CLNK: variants seen among roughly 807,000 people sequenced by gnomAD.
CLNK encodes the protein cytokine dependent hematopoietic cell linker, also known as cytokine-dependent hematopoietic cell linker.
A neutral mutation model predicts 68.6 loss-of-function variants in CLNK; 74 were observed. That is an observed-to-expected ratio of 1.08 (90% CI 0.89 to 1.31). The LOEUF (loss-of-function observed/expected upper bound fraction) is 1.31. CLNK is among the 50% of genes most tolerant of loss of function. CLNK has a pLI of 0.00. For missense variants in CLNK, 553 were observed against 515.3 expected (o/e 1.07, Z -0.71); for synonymous variants, 198 against 172.2 (o/e 1.15, Z -1.17).
rs893039582 is a variant in CLNK, at chr4:10,493,681, C to T, written c.1141-3068G>A. 2.7e-5 allele frequency among the ~76,000 whole-genome samples: 4 copies of T among 150,364 alleles called. No homozygotes were observed. In the East Asian group the frequency reaches 7.8e-4, roughly 29 times the overall value. ...TTACGTATACAATAAATATGAGTTTCTACCTGATGCTAAGGTAAGGTACTT... is the reference window on the plus strand; with the variant it reads ...TTACGTATACAATAAATATGAGTTTTTACCTGATGCTAAGGTAAGGTACTT... On this transcript the variant is annotated intron_variant, in intron 18 of 18. Transcript: ENST00000226951.
chr4:10,560,230 C>T (rs1719834979), intron 7 of CLNK, among the ~76,000 whole-genome samples: 1 of 152,172 alleles, frequency 6.6e-6, no homozygotes, highest in Non-Finnish European at 1.5e-5. Flanking sequence ...ACTGCCTCCT[C>T]CCTTAGACTG....
At chr4:10,548,922 T>C (rs1719341227) in intron 8 of CLNK, among the ~76,000 whole-genome samples, 1 of 152,222 alleles carries the variant, frequency 6.6e-6, no homozygotes, top group Admixed American at 6.5e-5. Context: ...GTCATGTAAT[T>C]TGAAATCAGG....
intron 11 of CLNK, 131 bp from the exon 12 acceptor site, chr4:10,532,414 T>A: frequency 1.4e-6 from 1 of 695,816 alleles, no homozygotes; most frequent in Non-Finnish European, 2.5e-6. Flanking sequence ...CAGTGAGATA[T>A]TTATCACTCT....
Position 10,637,328 on chromosome 4 carries a change from A to G in CLNK, c.11+30531T>C, listed in dbSNP as rs557813314. Among the ~76,000 whole-genome samples, 10 of 151,932 alleles carry G rather than the reference A, an allele frequency of 6.6e-5. No individual in the cohort carries two copies. In the East Asian group the frequency reaches 1.9e-3, roughly 29 times the overall value. The stretch of plus-strand genomic sequence containing the variant: ...CAGATGGGGAAGCTACAAGATTGGA[A>G]CCTTTGTATCACTGCTTGGAAGATA... On this transcript the variant is annotated intron_variant, in intron 2 of 18. Coordinates refer to ENST00000226951, the MANE Select transcript of CLNK (RefSeq NM_052964.4).
intron 3 of CLNK, among the ~76,000 whole-genome samples, chr4:10,589,336 G>C (rs897643823): frequency 1.3e-5 from 2 of 152,142 alleles, no homozygotes; most frequent in African/African-American, 4.8e-5. Context: ...TAGCAGCAAC[G>C]TAGACCGCAG....
intron 3 of CLNK, among the ~76,000 whole-genome samples, chr4:10,596,486 A>G (rs1004182709): frequency 6.6e-6 from 1 of 151,710 alleles, no homozygotes; most frequent in African/African-American, 2.4e-5. Flanking sequence ...TTATCTTATC[A>G]TCATCAAATA....
chr4:10,667,894 A>T lies in CLNK; in HGVS notation c.-25T>A. On this transcript the variant is annotated 5_prime_UTR_variant, in exon 2 of 19. Coordinates refer to ENST00000226951, the MANE Select transcript of CLNK (RefSeq NM_052964.4). Reference sequence around the variant, plus strand: ...TAGTTCTTGGCACCTGGCGGGTAAGAGGGATCTTCAATTCAGCCTGTGGAA... The same window carrying T: ...TAGTTCTTGGCACCTGGCGGGTAAGTGGGATCTTCAATTCAGCCTGTGGAA... The T allele has an allele frequency of 2.5e-6, 4 of 1,585,568 alleles. No homozygotes were observed. The highest frequency in any genetic ancestry group is 3.4e-6 in the Non-Finnish European group (4 of 1,164,062).
intron 18 of CLNK, among the ~76,000 whole-genome samples, chr4:10,495,797 A>C (rs1004654759): frequency 5.4e-5 from 8 of 149,340 alleles, no homozygotes; most frequent in African/African-American, 1.0e-4. Context: ...CCATAGAGAG[A>C]GCGATGAGGA....
Position 10,486,468 on chromosome 4 carries a change from AGAACAAATATT to A in CLNK, c.*3988_*3998del, listed in dbSNP as rs1326612574. On this transcript the variant is annotated 3_prime_UTR_variant, in exon 19 of 19. Transcript: ENST00000226951. ...ATTATGAATGTAAATGTGCTTAGCT[AGAACAAATATT>A]GCTCAGAATAAAAAAGATATACAAA... 1 of 152,208 alleles carries A rather than the reference AGAACAAATATT, an allele frequency of 6.6e-6. No homozygotes were observed. The highest frequency in any genetic ancestry group is 1.9e-4 in the East Asian group (1 of 5,202). The allele number at this position is 152,208 out of a possible 1,614,324, so 9.4% of individuals were successfully genotyped here.
rs114386624 is a variant in CLNK at position 10,558,635 on chromosome 4, G to A, written c.400-183C>T. ...AATACATGCACCTCTGCCAATGAAG[G>A]GTGCAGTGGCTTGAGTGGTGTTTGG... On this transcript the variant is annotated intron_variant, in intron 7 of 18. Coordinates refer to ENST00000226951, the MANE Select transcript of CLNK (RefSeq NM_052964.4). Among the ~76,000 whole-genome samples the A allele has an allele frequency of 6.1e-3, 931 of 152,248 alleles. 12 individuals carry two copies. The highest frequency in any genetic ancestry group is 0.022 in the African/African-American group (903 of 41,538).
chr4:10,507,274 G>T (rs1045303920), intron 17 of CLNK, among the ~76,000 whole-genome samples: 1 of 151,656 alleles, frequency 6.6e-6, no homozygotes, highest in Non-Finnish European at 1.5e-5. Flanking sequence ...ACCACGCCTG[G>T]CTAATTTTTG....
rs920067691 is a variant in CLNK, at chr4:10,490,202, C to CT, written c.*264dup. 169 of 334,798 alleles carry CT rather than the reference C, an allele frequency of 5.0e-4. 2 individuals carry two copies. The highest frequency in any genetic ancestry group is 1.2e-4 in the Non-Finnish European group (23 of 186,636). 20.7% of individuals were successfully genotyped at this position (334,798 alleles called of 1,614,324 possible). A position where few individuals can be genotyped will look rare whatever the true frequency, so the allele number is the denominator to read the frequency against. On this transcript the variant is annotated 3_prime_UTR_variant, in exon 19 of 19. Coordinates refer to ENST00000226951, the MANE Select transcript of CLNK (RefSeq NM_052964.4). ...TTTTGTTGTTGTTTTTTAGAAGATA[C>CT]TTTTAAAACCCTAGTTTTTATTTTT...
chr4:10,554,501 T>C (rs1405653982), intron 8 of CLNK, among the ~76,000 whole-genome samples: 2 of 152,218 alleles, frequency 1.3e-5, no homozygotes, highest in African/African-American at 4.8e-5. Flanking sequence ...CAGTTACATA[T>C]TCCTTTCCTT....
At chr4:10,518,419 T>G (rs1485392626) in intron 15 of CLNK, among the ~76,000 whole-genome samples, 1 of 152,138 alleles carries the variant, frequency 6.6e-6, no homozygotes, top group African/African-American at 2.4e-5. Context: ...TTAGAAAAAT[T>G]TAATTTACCC....
the CLNK span, among the ~76,000 whole-genome samples, chr4:10,705,273 T>A: frequency 1.3e-5 from 2 of 152,348 alleles, no homozygotes; most frequent in African/African-American, 4.8e-5. Context: ...TTAGAACCCA[T>A]TTGTCTTCAC....
intron 11 of CLNK, among the ~76,000 whole-genome samples, chr4:10,536,368 T>C (rs1224774238): frequency 6.6e-6 from 1 of 152,240 alleles, no homozygotes; most frequent in Non-Finnish European, 1.5e-5. Flanking sequence ...GTTGATTACA[T>C]GGGACTTGGG....
chr4:10,565,466 C>G (rs1371117064), intron 6 of CLNK, among the ~76,000 whole-genome samples: 1 of 152,238 alleles, frequency 6.6e-6, no homozygotes, highest in Non-Finnish European at 1.5e-5. Context: ...CAGTTAGAGA[C>G]AGAGGTGGGT....
At chr4:10,560,319 T>C (rs942412930) in intron 7 of CLNK, among the ~76,000 whole-genome samples, 1 of 152,224 alleles carries the variant, frequency 6.6e-6, no homozygotes. Context: ...AATAGAAGGA[T>C]GGGCAGTGGT....
upstream of CLNK, among the ~76,000 whole-genome samples, chr4:10,687,231 T>C (rs192313363): frequency 1.3e-4 from 19 of 151,192 alleles, no homozygotes; most frequent in East Asian, 3.3e-3. Flanking sequence ...TGTCCCTACC[T>C]TCATGGAGTT....
Sources: allele counts gnomAD v4.1 joint callset (sites outside exome capture counted in the v4.1 genomes callset), GRCh38; gene constraint gnomAD v4.1.1; transcripts MANE v1.5; gene names NCBI Gene and HGNC (gene_info 2026-07-23, HGNC 2026-07-21).